Variants in TENM1 observed in about 807,000 individuals in gnomAD.
TENM1 encodes the protein teneurin transmembrane protein 1.
A neutral mutation model predicts 174.8 loss-of-function variants in TENM1; 35 were observed. The ratio of observed to expected loss-of-function variants is 0.20; its 90% CI spans 0.15 to 0.27. The LOEUF (loss-of-function observed/expected upper bound fraction) is 0.27. TENM1 is among the 10% of genes least tolerant of loss of function. The pLI is 1.00. For missense variants in TENM1, 1,633 were observed against 2,130.1 expected, an observed-to-expected ratio of 0.77 and a Z score of 4.59; for synonymous variants, 781 against 798.7, an observed-to-expected ratio of 0.98 and a Z score of 0.37.
intron 3 of TENM1, among the ~76,000 whole-genome samples, chrX:124,767,825 A>T (rs974854887): frequency 1.5e-4 from 17 of 111,388 alleles, no homozygotes; most frequent in Non-Finnish European, 2.8e-4. Flanking sequence ...TAAATGTTAG[A>T]ATTTTCTCTC....
intron 3 of TENM1, among the ~76,000 whole-genome samples, chrX:124,787,075 T>C (rs903346727): frequency 9.0e-6 from 1 of 111,708 alleles, no homozygotes; most frequent in African/African-American, 3.3e-5. Flanking sequence ...TGTTTTATCA[T>C]TTAAATAAAA....
At chrX:124,705,364 A>G in intron 4 of TENM1, 113 bp from the exon 8 acceptor site, 1 of 520,873 alleles carries the variant, frequency 1.9e-6, no homozygotes, top group East Asian at 3.4e-5. Flanking sequence ...AGAGAACTGG[A>G]TGGAGCTCAG....
At chrX:125,086,884 GAAGA>G in the TENM1 span, among the ~76,000 whole-genome samples, 7 of 111,050 alleles carry the variant, frequency 6.3e-5, no homozygotes, top group Non-Finnish European at 1.1e-4. Context: ...CAAGACACAG[GAAGA>G]AAGAAAGTCG....
intron 3 of TENM1, among the ~76,000 whole-genome samples, chrX:124,768,853 T>C (rs753377047): frequency 6.3e-4 from 71 of 112,256 alleles, no homozygotes; most frequent in Non-Finnish European, 1.1e-3. Flanking sequence ...ACTCAGAGAG[T>C]TGCAAGAATC....
At chrX:124,603,644 C>T (rs2050082556) in intron 11 of TENM1, among the ~76,000 whole-genome samples, 2 of 111,740 alleles carry the variant, frequency 1.8e-5, no homozygotes, top group African/African-American at 6.5e-5. Flanking sequence ...TTTGGATACA[C>T]CACAGTAGTT....
rs187239394 is a variant in TENM1, at chrX:124,400,803, C to A, written c.5391+4228G>T. Among the ~76,000 whole-genome samples the A allele has an allele frequency of 5.4e-5, 6 of 112,047 alleles. No individual in the cohort carries two copies. In the East Asian group the frequency reaches 1.7e-3, roughly 31 times the overall value. ...TGCCCAATTCTTTTTACAATTGCCTCTATTGTTATCTGCACTCTAATTTCT... is the reference window on the plus strand; with the variant it reads ...TGCCCAATTCTTTTTACAATTGCCTATATTGTTATCTGCACTCTAATTTCT... On this transcript the variant is annotated intron_variant, in intron 27 of 31. Coordinates refer to ENST00000422452, the Ensembl canonical transcript of TENM1.
At chrX:124,971,726 A>T in the TENM1 span, among the ~76,000 whole-genome samples, 4 of 111,924 alleles carry the variant, frequency 3.6e-5, no homozygotes, top group African/African-American at 1.3e-4. Context: ...ATGTGTGGGA[A>T]CACTCTCTTC....
chrX:124,919,390 T>C (rs1282026822), intron 1 of TENM1, among the ~76,000 whole-genome samples: 3 of 112,352 alleles, frequency 2.7e-5, no homozygotes, highest in African/African-American at 9.7e-5. Flanking sequence ...AAATGAGCTA[T>C]GTACATTAAC....
At chrX:125,187,812 C>G in the TENM1 span, among the ~76,000 whole-genome samples, 1 of 110,922 alleles carries the variant, frequency 9.0e-6, no homozygotes, top group African/African-American at 3.3e-5. Flanking sequence ...ATGCACATAT[C>G]TGATATATTT....
chrX:124,760,435 T>C lies in TENM1; in HGVS notation c.536-23238A>G, dbSNP rs72610653. Among the ~76,000 whole-genome samples, 797 of 111,689 alleles carry C rather than the reference T, an allele frequency of 7.1e-3. 27 individuals are homozygous for C. The East Asian group carries it at 0.15, about 21-fold the overall frequency. On this transcript the variant is annotated intron_variant, in intron 3 of 31. Coordinates refer to ENST00000422452, the Ensembl canonical transcript of TENM1. Reference sequence around the variant, plus strand: ...CCCTTTATTTCTTTCTTTTGCATGATTGCCCTGGTGAGAACTTCCAACACT... The same window carrying C: ...CCCTTTATTTCTTTCTTTTGCATGACTGCCCTGGTGAGAACTTCCAACACT...
chrX:125,182,893 G>A, the TENM1 span, among the ~76,000 whole-genome samples: 1,961 of 111,710 alleles, frequency 0.018, 56 homozygotes, highest in African/African-American at 0.06. Flanking sequence ...CTAAAAAAGA[G>A]GGGAAAAAGC....
At chrX:124,813,749 T>G (rs773734989) in intron 3 of TENM1, among the ~76,000 whole-genome samples, 1 of 109,919 alleles carries the variant, frequency 9.1e-6, no homozygotes, top group African/African-American at 3.3e-5. Context: ...CCGGAGGGAG[T>G]GGTGGCTTTC....
At chrX:124,830,449 G>T (rs138174365) in intron 3 of TENM1, among the ~76,000 whole-genome samples, 1,237 of 111,836 alleles carry the variant, frequency 0.011, 17 homozygotes, top group African/African-American at 0.038. Flanking sequence ...GTGGCTTTGG[G>T]AGTCCTGAAT....
chrX:124,828,598 T>C (rs1311140376), intron 3 of TENM1, among the ~76,000 whole-genome samples: 1 of 112,338 alleles, frequency 8.9e-6, no homozygotes, highest in Non-Finnish European at 1.9e-5. Context: ...ACCTCAGCCT[T>C]GTCAGCAGGA....
At chrX:124,482,590 T>C (rs113340591) in intron 21 of TENM1, among the ~76,000 whole-genome samples, 136 of 111,936 alleles carry the variant, frequency 1.2e-3, no homozygotes, top group African/African-American at 4.2e-3. Context: ...CAGGACATAA[T>C]GGAACTGGTT....
intron 3 of TENM1, among the ~76,000 whole-genome samples, chrX:124,866,939 G>A (rs1330775854): frequency 1.8e-5 from 2 of 111,010 alleles, no homozygotes; most frequent in Admixed American, 1.9e-4. Context: ...TACCAAGATT[G>A]AACTAGGAAA....
intron 23 of TENM1, among the ~76,000 whole-genome samples, chrX:124,448,130 G>C (rs765138870): frequency 4.5e-5 from 5 of 111,586 alleles, no homozygotes; most frequent in African/African-American, 1.6e-4. Flanking sequence ...CAAGTTATTT[G>C]ATATTGGCTC....
At chrX:124,659,962 T>A (rs2051549924) in intron 6 of TENM1, among the ~76,000 whole-genome samples, 1 of 111,126 alleles carries the variant, frequency 9.0e-6, no homozygotes, top group Non-Finnish European at 1.9e-5. Flanking sequence ...CCTCATACCA[T>A]ATACAAAAAA....
chrX:125,070,437 G>A, the TENM1 span, among the ~76,000 whole-genome samples: 2 of 110,917 alleles, frequency 1.8e-5, no homozygotes, highest in Admixed American at 9.7e-5. Flanking sequence ...ACCTTCGTTG[G>A]ATGCACAGTT....
Sources: allele counts gnomAD v4.1 joint callset (sites outside exome capture counted in the v4.1 genomes callset), GRCh38; gene constraint gnomAD v4.1.1; transcripts MANE v1.5; gene names NCBI Gene and HGNC (gene_info 2026-07-23, HGNC 2026-07-21).